Variants in SATB1 observed in about 807,000 individuals in gnomAD.
SATB1 encodes the protein SATB homeobox 1.
A neutral mutation model predicts 86.9 loss-of-function variants in SATB1; 11 were observed. The observed-to-expected ratio is 0.13, with a 90% CI of 0.08 to 0.21. The LOEUF (loss-of-function observed/expected upper bound fraction) is 0.21. Ranked by LOEUF, SATB1 falls within the 10% of genes least tolerant of loss-of-function variation. The probability of loss-of-function intolerance (pLI) is 1.00; values close to 1 mark genes in which losing one functional copy is unlikely to be tolerated. For missense variants in SATB1, 551 were observed against 937.6 expected (o/e 0.59, Z 5.39); for synonymous variants, 357 against 357.2 (o/e 1.00, Z 0.01).
upstream of SATB1, among the ~76,000 whole-genome samples, chr3:18,427,833 A>AC (rs1698760585): frequency 6.6e-6 from 1 of 152,230 alleles, no homozygotes; most frequent in Non-Finnish European, 1.5e-5. Context: ...AATGAATAAC[A>AC]ATATAGCACA....
Position 18,386,695 on chromosome 3 carries a change from TG to T in SATB1, c.1207-85del. 1 of 1,108,746 alleles carries T rather than the reference TG, an allele frequency of 9.0e-7. No homozygotes were observed. The highest frequency in any genetic ancestry group is 1.4e-6 in the Non-Finnish European group (1 of 736,620). 68.7% of individuals were successfully genotyped at this position (1,108,746 alleles called of 1,614,324 possible). A position where few individuals can be genotyped will look rare whatever the true frequency, so the allele number is the denominator to read the frequency against. On this transcript the variant is annotated intron_variant, in intron 7 of 10. Coordinates refer to ENST00000338745, the MANE Select transcript of SATB1 (RefSeq NM_002971.6). This position sits in a 1 kb window ranked among gnomAD's most constrained non-coding sequence, Gnocchi z 4.5. Reference sequence around the variant, plus strand: ...GATCCTTCCCTTTTCTTCTCCACTCTGTTTAGAAAATGAACAGTCAGAGGCA... The same window carrying T: ...GATCCTTCCCTTTTCTTCTCCACTCTTTTAGAAAATGAACAGTCAGAGGCA...
chr3:18,381,181 T>C (rs1696039849), intron 8 of SATB1, among the ~76,000 whole-genome samples: 2 of 152,162 alleles, frequency 1.3e-5, no homozygotes, highest in African/African-American at 2.4e-5. Flanking sequence ...AGGACACACA[T>C]TTTCCATAAA....
At chr3:18,376,493 G>C (rs1160129430) in intron 9 of SATB1, among the ~76,000 whole-genome samples, 1 of 147,036 alleles carries the variant, frequency 6.8e-6, no homozygotes, top group Non-Finnish European at 1.5e-5. Flanking sequence ...AATAAGAAAG[G>C]CAAGATAATA....
chr3:18,420,600 T>C (rs915168521), intron 2 of SATB1, 157 bp downstream of exon 2: 2 of 646,850 alleles, frequency 3.1e-6, no homozygotes, highest in Admixed American at 5.5e-5. Flanking sequence ...TCCAACGTGA[T>C]TGATACTAAG....
At chr3:18,406,837 A>G (rs1372298159) in intron 5 of SATB1, among the ~76,000 whole-genome samples, 2 of 152,102 alleles carry the variant, frequency 1.3e-5, no homozygotes, top group African/African-American at 2.4e-5. Context: ...TGTAGATAAA[A>G]GTATAAAGTA....
rs1694060873 is a variant in SATB1, at chr3:18,346,454, A to G, written c.*2716T>C. ...CACAGGTAACAAGAGGAGGATTGGCATGAGCGATAAATGACATTGGGGGAG... is the reference window on the plus strand; with the variant it reads ...CACAGGTAACAAGAGGAGGATTGGCGTGAGCGATAAATGACATTGGGGGAG... On this transcript the variant is annotated 3_prime_UTR_variant, in exon 11 of 11. Transcript: ENST00000338745. The G allele has an allele frequency of 6.6e-6, 1 of 152,124 alleles. No individual in the cohort carries two copies. The highest frequency in any genetic ancestry group is 1.5e-5 in the Non-Finnish European group (1 of 67,986). 9.4% of individuals were successfully genotyped at this position (152,124 alleles called of 1,614,324 possible). A position where few individuals can be genotyped will look rare whatever the true frequency, so the allele number is the denominator to read the frequency against.
chr3:18,436,871 T>G (rs1021232515), exon 2 of SATB1: 6 of 152,202 alleles, frequency 3.9e-5, no homozygotes, highest in Admixed American at 6.5e-5. Context: ...GGTTACAAGA[T>G]CTACAAATTC....
intron 5 of SATB1, among the ~76,000 whole-genome samples, chr3:18,403,024 A>G (rs1266542494): frequency 6.6e-6 from 1 of 152,114 alleles, no homozygotes; most frequent in Admixed American, 6.6e-5. Context: ...CATAAGCCTA[A>G]GGGTGAATAG....
rs756529876 is a variant in SATB1, at chr3:18,416,999, T to C, written c.291A>G (p.Glu97=). 9.9e-6 allele frequency: 16 copies of C among 1,613,656 alleles called. No individual in the cohort carries two copies. Among genetic ancestry groups the C allele is most frequent in the Non-Finnish European group, 1.4e-5 (16 of 1,179,698 alleles). Residue 97 remains glutamate (E), a synonymous_variant, in exon 3 of 11, where the codon GAA becomes GAG. Coordinates refer to ENST00000338745, the MANE Select transcript of SATB1 (RefSeq NM_002971.6). ...GCATATCCTTTCTCACCAGCACAAATTCTGCATGCTCCTCCTTGCAATCAT... is the reference window on the plus strand; with the variant it reads ...GCATATCCTTTCTCACCAGCACAAACTCTGCATGCTCCTCCTTGCAATCAT... The part of the protein sequence containing the change: ...IEYDCKEEHA[E]FVLVRKDMLF...
chr3:18,419,318 C>T (rs1451345742), intron 2 of SATB1, among the ~76,000 whole-genome samples: 1 of 152,162 alleles, frequency 6.6e-6, no homozygotes, highest in Admixed American at 6.5e-5. Context: ...ACTTCATAAC[C>T]TTCCAGCATT....
intron 5 of SATB1, among the ~76,000 whole-genome samples, chr3:18,400,714 T>G (rs1003300815): frequency 3.3e-5 from 5 of 152,274 alleles, no homozygotes; most frequent in South Asian, 4.1e-4. Flanking sequence ...ATCCTTTGCC[T>G]CCTCCTCATC....
chr3:18,352,102 T>C lies in SATB1; in HGVS notation c.1669A>G (p.Ser557Gly). 6.2e-7 allele frequency: 1 copy of C among 1,614,222 alleles called. No individual in the cohort carries two copies. The highest frequency in any genetic ancestry group is 8.5e-7 in the Non-Finnish European group (1 of 1,180,040). ...GCATCACGTTCTGGCTGAGGAAGAC[T>C]GAGGAACCTTCGGATCATGGAGAGG... ...ENLSMIRRFL[S>G]LPQPERDAIY... is the part of the protein sequence containing the mutation. The change falls in exon 10 of 11, where the codon AGT (serine) becomes GGT (glycine). Residue 557 changes from serine (S) to glycine (G), a missense_variant. Physicochemically the swap from Ser to Gly is moderately conservative, Grantham distance 56. This residue lies in a region of SATB1 where 110 missense variants were observed against 212.2 expected (regional missense o/e 0.52). Coordinates refer to ENST00000338745, the MANE Select transcript of SATB1 (RefSeq NM_002971.6). The surrounding 1 kb of genome is among the most constrained non-coding windows in gnomAD (Gnocchi z 4.1).
intron 1 of SATB1, chr3:18,445,497 C>G: frequency 1.0e-6 from 1 of 985,440 alleles, no homozygotes; most frequent in African/African-American, 1.7e-5. Context: ...TTCTCGTCGC[C>G]CGCCAACCCT....
intron 10 of SATB1, chr3:18,350,800 C>T (rs1464936864): frequency 1.3e-5 from 2 of 154,642 alleles, no homozygotes; most frequent in Non-Finnish European, 2.9e-5. Flanking sequence ...TTTTTTTATC[C>T]TGGTAGATAA....
intron 9 of SATB1, among the ~76,000 whole-genome samples, chr3:18,362,046 G>A (rs1488935094): frequency 2.0e-5 from 3 of 152,000 alleles, no homozygotes; most frequent in Non-Finnish European, 4.4e-5. Flanking sequence ...ATAGCAAGTG[G>A]CTTTAACTAA....
At chr3:18,350,598 CT>C (rs1351506366) in intron 10 of SATB1, 1 of 152,266 alleles carries the variant, frequency 6.6e-6, no homozygotes. Flanking sequence ...TTTTATACCC[CT>C]AAGAAGCAAT....
chr3:18,373,355 C>T (rs2125175557), intron 9 of SATB1, among the ~76,000 whole-genome samples: 1 of 152,288 alleles, frequency 6.6e-6, no homozygotes, highest in East Asian at 1.9e-4. Flanking sequence ...GTTATATGAA[C>T]ATTCCAAAAG....
Position 18,420,770 on chromosome 3 carries a change from G to T in SATB1, c.198C>A (p.Thr66=), listed in dbSNP as rs1698346758. Residue 66 remains threonine, a synonymous_variant, in exon 2 of 11, where the codon ACC becomes ACA. Coordinates refer to ENST00000338745, the MANE Select transcript of SATB1 (RefSeq NM_002971.6). ...GAAGGTATTTACCTTTCCTAAGGTTGGTTTTCATCAGATGGCCCGAGTGTT... is the reference window on the plus strand; with the variant it reads ...GAAGGTATTTACCTTTCCTAAGGTTTGTTTTCATCAGATGGCCCGAGTGTT... ...PLKHSGHLMK[T]NLRKGTMLPV... The T allele has an allele frequency of 1.9e-6, 3 of 1,613,522 alleles. No individual in the cohort carries two copies. The African/African-American group carries it at 4.0e-5, about 22-fold the overall frequency.
chr3:18,365,044 A>G (rs1358739938), intron 9 of SATB1, among the ~76,000 whole-genome samples: 1 of 152,146 alleles, frequency 6.6e-6, no homozygotes. Flanking sequence ...CCTCAGGTCA[A>G]TCAAAATGGA....
Sources: gnomAD v4.1 joint callset for allele counts (sites outside exome capture counted in the v4.1 genomes callset) on GRCh38, gnomAD v4.1.1 for gene constraint, gnomAD v4.1.1 regional missense constraint, Gnocchi (gnomAD v3.1) non-coding constraint, MANE v1.5 for transcripts, NCBI Gene and HGNC (gene_info 2026-07-23, HGNC 2026-07-21) for gene names.